The following THSD4 variants were observed in gnomAD, a reference collection of about 807,000 sequenced individuals.
The protein encoded by THSD4 is thrombospondin type 1 domain containing 4.
In THSD4, 69 loss-of-function variants were observed where a neutral mutation model predicts 119.0. The ratio of observed to expected loss-of-function variants is 0.58; its 90% CI spans 0.48 to 0.71. The LOEUF is 0.71. Among genes scored for constraint, THSD4 ranks in the 30% least tolerant of loss-of-function variants. The pLI, the probability that THSD4 is intolerant of heterozygous loss-of-function variation, is 0.00. For missense variants in THSD4, 1,393 were observed against 1,391.1 expected (o/e 1.00, Z -0.02); for synonymous variants, 524 against 540.4 (o/e 0.97, Z 0.42).
intron 9 of THSD4, chr15:71,730,193 G>T (rs1303159410): frequency 6.6e-6 from 1 of 152,200 alleles, no homozygotes; most frequent in Non-Finnish European, 1.5e-5. Context: ...ATCAAAAACT[G>T]CAGGGTGAAG....
intron 8 of THSD4, among the ~76,000 whole-genome samples, chr15:71,681,882 G>A (rs1440052020): frequency 2.0e-5 from 3 of 151,988 alleles, no homozygotes; most frequent in Non-Finnish European, 2.9e-5. Context: ...ATGAGGATTG[G>A]GCTATTAGAT....
At chr15:71,127,695 G>C (rs1245582449) in intron 1 of THSD4, among the ~76,000 whole-genome samples, 1 of 152,044 alleles carries the variant, frequency 6.6e-6, no homozygotes, top group African/African-American at 2.4e-5. Flanking sequence ...ATATACCTGT[G>C]GGCTGTTTGT....
At chr15:71,238,772 T>G (rs1416181335) in intron 4 of THSD4, among the ~76,000 whole-genome samples, 1 of 152,252 alleles carries the variant, frequency 6.6e-6, no homozygotes, top group African/African-American at 2.4e-5. Context: ...TAAGTTTATA[T>G]ACAAATGTAT....
At chr15:71,670,535 A>C (rs975735949) in intron 8 of THSD4, among the ~76,000 whole-genome samples, 3 of 151,084 alleles carry the variant, frequency 2.0e-5, no homozygotes, top group African/African-American at 4.9e-5. Context: ...TCTAGGGTAC[A>C]TGTGCACAAC....
intron 2 of THSD4, among the ~76,000 whole-genome samples, chr15:71,151,663 G>A (rs2040723622): frequency 6.6e-6 from 1 of 152,186 alleles, no homozygotes; most frequent in Admixed American, 6.5e-5. Context: ...ATCCAGCAGG[G>A]ATACAGCTAG....
chr15:71,693,073 A>C (rs899088021), intron 8 of THSD4, among the ~76,000 whole-genome samples: 1 of 152,172 alleles, frequency 6.6e-6, no homozygotes, highest in Non-Finnish European at 1.5e-5. Flanking sequence ...GGTTCGTTTG[A>C]AGATGAAATC....
intron 7 of THSD4, among the ~76,000 whole-genome samples, chr15:71,474,917 A>G (rs550152990): frequency 6.6e-6 from 1 of 152,320 alleles, no homozygotes; most frequent in African/African-American, 2.4e-5. Context: ...CACTATGCAG[A>G]TGATTTTCAA....
intron 5 of THSD4, among the ~76,000 whole-genome samples, chr15:71,244,082 G>C (rs2044178658): frequency 6.7e-6 from 1 of 148,712 alleles, no homozygotes; most frequent in South Asian, 2.2e-4. Flanking sequence ...ACCGCACCTG[G>C]CCTGTGCTCA....
intron 7 of THSD4, among the ~76,000 whole-genome samples, chr15:71,516,887 A>G (rs780913851): frequency 5.3e-5 from 8 of 152,230 alleles, no homozygotes; most frequent in Non-Finnish European, 1.2e-4. Flanking sequence ...AATTTAAATG[A>G]AATAAAATTT....
chr15:71,714,023 C>T (rs2052561933), intron 8 of THSD4, among the ~76,000 whole-genome samples: 1 of 148,538 alleles, frequency 6.7e-6, no homozygotes, highest in South Asian at 2.2e-4. Flanking sequence ...AGTCATAGCT[C>T]CAATAGTTAC....
intron 3 of THSD4, among the ~76,000 whole-genome samples, chr15:71,169,277 T>G (rs1300365936): frequency 6.6e-6 from 1 of 152,184 alleles, no homozygotes; most frequent in Admixed American, 6.5e-5. Flanking sequence ...TAAAAAACAC[T>G]ACCAGTGTTG....
At chr15:71,252,054 A>G (rs961365060) in intron 5 of THSD4, among the ~76,000 whole-genome samples, 1 of 152,174 alleles carries the variant, frequency 6.6e-6, no homozygotes, top group African/African-American at 2.4e-5. Context: ...TCCCAGAGGC[A>G]TTACTTGGCT....
At chr15:71,392,689 A>G (rs1277492032) in intron 6 of THSD4, among the ~76,000 whole-genome samples, 1 of 152,210 alleles carries the variant, frequency 6.6e-6, no homozygotes, top group Non-Finnish European at 1.5e-5. Context: ...TCTGCAGAGC[A>G]TCTCTGTGTC....
At chr15:71,168,860 T>C (rs1455906242) in intron 3 of THSD4, among the ~76,000 whole-genome samples, 2 of 152,172 alleles carry the variant, frequency 1.3e-5, no homozygotes, top group Non-Finnish European at 2.9e-5. Flanking sequence ...AAAACAGTAA[T>C]GCTCCTAGAG....
At chr15:71,232,360 A>G (rs1224768212) in intron 4 of THSD4, among the ~76,000 whole-genome samples, 1 of 152,206 alleles carries the variant, frequency 6.6e-6, no homozygotes, top group Non-Finnish European at 1.5e-5. Flanking sequence ...ATGTCACTTC[A>G]GCATACATTC....
intron 7 of THSD4, among the ~76,000 whole-genome samples, chr15:71,653,219 G>A (rs1487424593): frequency 6.6e-6 from 1 of 152,214 alleles, no homozygotes; most frequent in African/African-American, 2.4e-5. Flanking sequence ...AAGAACTCGA[G>A]AAGGTTTGAT....
intron 3 of THSD4, among the ~76,000 whole-genome samples, chr15:71,194,397 C>G (rs1482645796): frequency 6.6e-6 from 1 of 152,210 alleles, no homozygotes; most frequent in Non-Finnish European, 1.5e-5. Context: ...GCCCAGCCCA[C>G]TCAAGTCCTT....
chr15:71,190,940 C>T (rs2043666247), intron 3 of THSD4, among the ~76,000 whole-genome samples: 1 of 152,142 alleles, frequency 6.6e-6, no homozygotes, highest in Non-Finnish European at 1.5e-5. Flanking sequence ...TCGCGTCCCC[C>T]TTCATGGCTG....
At chr15:71,665,630 G>C (rs2051402576) in intron 8 of THSD4, among the ~76,000 whole-genome samples, 1 of 152,136 alleles carries the variant, frequency 6.6e-6, no homozygotes, top group African/African-American at 2.4e-5. Context: ...ATAGTTTTGG[G>C]TTTTACATTT....
Sources: allele counts gnomAD v4.1 joint callset (sites outside exome capture counted in the v4.1 genomes callset), GRCh38; gene constraint gnomAD v4.1.1; transcripts MANE v1.5; gene names NCBI Gene and HGNC (gene_info 2026-07-23, HGNC 2026-07-21).